QTMAN: variants seen among roughly 807,000 people sequenced by gnomAD.
The protein encoded by QTMAN is tRNA-queuosine alpha-mannosyltransferase.
the QTMAN span, among the ~76,000 whole-genome samples, chr2:144,077,416 C>T: frequency 1.3e-5 from 2 of 152,192 alleles, no homozygotes; most frequent in Non-Finnish European, 2.9e-5. Context: ...ACTCACCATC[C>T]ATCCTTTATA....
At chr2:144,130,168 A>G in the QTMAN span, among the ~76,000 whole-genome samples, 2 of 151,838 alleles carry the variant, frequency 1.3e-5, no homozygotes, top group Admixed American at 1.3e-4. Context: ...GGGAAAGCCT[A>G]TCTTTTCTAA....
At chr2:144,329,890 CATG>C in the QTMAN span, among the ~76,000 whole-genome samples, 1 of 152,204 alleles carries the variant, frequency 6.6e-6, no homozygotes, top group African/African-American at 2.4e-5. Context: ...ACCCACTACA[CATG>C]ATAACAGGTA....
the QTMAN span, among the ~76,000 whole-genome samples, chr2:144,295,876 G>A: frequency 9.2e-5 from 14 of 152,158 alleles, no homozygotes; most frequent in South Asian, 2.1e-4. Context: ...CTAGGATGAC[G>A]GGCATGAACC....
At chr2:144,306,253 T>C in the QTMAN span, among the ~76,000 whole-genome samples, 1 of 152,228 alleles carries the variant, frequency 6.6e-6, no homozygotes, top group Non-Finnish European at 1.5e-5. Context: ...CTGCATCTAC[T>C]GAAACAATCA....
At chr2:144,278,541 CTT>C in the QTMAN span, among the ~76,000 whole-genome samples, 78 of 137,568 alleles carry the variant, frequency 5.7e-4, no homozygotes, top group Admixed American at 8.1e-4. Context: ...TGTTTTCCTT[CTT>C]TTTTTTTTTT....
At chr2:144,296,435 C>A in the QTMAN span, among the ~76,000 whole-genome samples, 3 of 152,060 alleles carry the variant, frequency 2.0e-5, no homozygotes, top group African/African-American at 7.2e-5. Flanking sequence ...TTATTGACTT[C>A]CATCAAAAGT....
the QTMAN span, among the ~76,000 whole-genome samples, chr2:144,116,333 GGTGTGTGTGTGTGCAT>G: frequency 2.0e-5 from 3 of 146,890 alleles, no homozygotes; most frequent in African/African-American, 7.5e-5. Context: ...TTATGTGAGG[GGTGTGTGTGTGTGCAT>G]GTGTGTGTGT....
chr2:144,061,451 T>C, the QTMAN span, among the ~76,000 whole-genome samples: 1 of 152,182 alleles, frequency 6.6e-6, no homozygotes, highest in African/African-American at 2.4e-5. Context: ...CTATATATAA[T>C]TGAAACCTAA....
At chr2:143,969,388 G>C in the QTMAN span, among the ~76,000 whole-genome samples, 1 of 152,184 alleles carries the variant, frequency 6.6e-6, no homozygotes, top group Non-Finnish European at 1.5e-5. Context: ...AGAGCAGGGA[G>C]TTTGCATTAT....
chr2:144,286,121 T>C, the QTMAN span, among the ~76,000 whole-genome samples: 1 of 152,230 alleles, frequency 6.6e-6, no homozygotes, highest in African/African-American at 2.4e-5. Context: ...ATAAATGTTC[T>C]AACCAGTATC....
At chr2:144,001,167 A>C in the QTMAN span, among the ~76,000 whole-genome samples, 1 of 152,006 alleles carries the variant, frequency 6.6e-6, no homozygotes, top group Non-Finnish European at 1.5e-5. Flanking sequence ...TGTGTTTTTG[A>C]AGTTATATTT....
the QTMAN span, chr2:144,177,249 C>CAAA: frequency 2.6e-5 from 14 of 533,976 alleles, no homozygotes; most frequent in Admixed American, 1.5e-4. Flanking sequence ...ATCTTGATCC[C>CAAA]AATAAAAAAA....
the QTMAN span, among the ~76,000 whole-genome samples, chr2:144,272,914 A>G: frequency 6.6e-6 from 1 of 152,182 alleles, no homozygotes; most frequent in Non-Finnish European, 1.5e-5. Flanking sequence ...AGAAAGCCGC[A>G]TATTTTTTAT....
chr2:144,024,738 C>T, the QTMAN span, among the ~76,000 whole-genome samples: 1 of 152,132 alleles, frequency 6.6e-6, no homozygotes, highest in Non-Finnish European at 1.5e-5. Context: ...CAACAAAATA[C>T]TGCTTTGAAG....
At chr2:144,137,205 C>T in the QTMAN span, among the ~76,000 whole-genome samples, 2 of 152,086 alleles carry the variant, frequency 1.3e-5, no homozygotes, top group Non-Finnish European at 2.9e-5. Context: ...GTGGATTATG[C>T]ATTTTCCTAC....
the QTMAN span, among the ~76,000 whole-genome samples, chr2:144,074,761 T>G: frequency 5.9e-5 from 9 of 152,200 alleles, no homozygotes; most frequent in Admixed American, 1.3e-4. Context: ...CTTTTCACTA[T>G]AGCAAACACT....
At chr2:144,281,852 T>G in the QTMAN span, among the ~76,000 whole-genome samples, 1 of 152,136 alleles carries the variant, frequency 6.6e-6, no homozygotes, top group Non-Finnish European at 1.5e-5. Flanking sequence ...AGAAAATAAT[T>G]TTTTTTTCTT....
At chr2:144,297,337 C>T in the QTMAN span, among the ~76,000 whole-genome samples, 5 of 152,166 alleles carry the variant, frequency 3.3e-5, no homozygotes, top group East Asian at 1.9e-4. Context: ...ATGGATTTCA[C>T]GCAAAAACTT....
chr2:144,300,344 T>G, the QTMAN span, among the ~76,000 whole-genome samples: 2 of 152,294 alleles, frequency 1.3e-5, no homozygotes, highest in South Asian at 4.1e-4. Flanking sequence ...ACAAATTGTA[T>G]GAGAAAAATA....
Sources: allele counts gnomAD v4.1 joint callset (sites outside exome capture counted in the v4.1 genomes callset), GRCh38; gene constraint gnomAD v4.1.1; transcripts MANE v1.5; gene names NCBI Gene and HGNC (gene_info 2026-07-23, HGNC 2026-07-21).